ERLIN1: variants seen among roughly 807,000 people sequenced by gnomAD.
The protein encoded by ERLIN1 is ER lipid raft associated 1.
ERLIN1 carries 24 observed loss-of-function variants against 46.9 expected under a neutral mutation model. That is an observed-to-expected ratio of 0.51 (90% CI 0.37 to 0.72). ERLIN1 has a LOEUF of 0.72. ERLIN1 is among the 30% of genes least tolerant of loss of function. ERLIN1 has a pLI of 0.00. For missense variants in ERLIN1, 293 were observed against 417.9 expected (o/e 0.70, Z 2.61); for synonymous variants, 158 against 143.2 (o/e 1.10, Z -0.74).
chr10:100,162,366 T>C (rs2134122414), intron 8 of ERLIN1, among the ~76,000 whole-genome samples: 1 of 152,264 alleles, frequency 6.6e-6, no homozygotes, highest in South Asian at 2.1e-4. Flanking sequence ...AGACATAAAG[T>C]TTTAAGTCTG....
At chr10:100,172,350 G>C (rs765925174) in intron 6 of ERLIN1, among the ~76,000 whole-genome samples, 13 of 152,160 alleles carry the variant, frequency 8.5e-5, no homozygotes, top group Non-Finnish European at 1.9e-4. Context: ...AACAAATGAT[G>C]TTATCCCTGC....
chr10:100,176,116 C>T (rs751942689), intron 4 of ERLIN1, 46 bp from the exon 5 acceptor site: 13 of 1,552,600 alleles, frequency 8.4e-6, no homozygotes, highest in Non-Finnish European at 1.1e-5. Context: ...AACAATGACA[C>T]AGGTACCTTC....
At position 100,155,030 on chromosome 10, in the gene ERLIN1, T is replaced by G. The variant is rs145367146; in HGVS notation, c.746-91A>C. On this transcript the variant is annotated intron_variant, in intron 9 of 10. Coordinates refer to ENST00000421367, the MANE Select transcript of ERLIN1 (RefSeq NM_006459.4). ...CTGCTTAATATTGTGACTGCTTATT[T>G]CACATTGAAAGTTTTAAAAACCTAT... The G allele has an allele frequency of 2.4e-4, 257 of 1,087,346 alleles. 1 individual carries two copies. The African/African-American group carries it at 3.7e-3, about 16-fold the overall frequency. The allele number at this position is 1,087,346 out of a possible 1,614,324, so 67.4% of individuals were successfully genotyped here. A position where few individuals can be genotyped will look rare whatever the true frequency, so the allele number is the denominator to read the frequency against.
intron 6 of ERLIN1, among the ~76,000 whole-genome samples, chr10:100,172,508 A>C (rs1248155141): frequency 6.6e-6 from 1 of 152,260 alleles, no homozygotes; most frequent in Non-Finnish European, 1.5e-5. Flanking sequence ...CAACAGAAAA[A>C]TGGGCAAAAG....
At chr10:100,181,712 C>A (rs1344878641) in intron 2 of ERLIN1, among the ~76,000 whole-genome samples, 1 of 152,132 alleles carries the variant, frequency 6.6e-6, no homozygotes, top group Non-Finnish European at 1.5e-5. Context: ...CAGCGTTTGA[C>A]CAGGTTGGCC....
chr10:100,183,095 C>A (rs1377742998), intron 2 of ERLIN1, among the ~76,000 whole-genome samples: 2 of 152,166 alleles, frequency 1.3e-5, no homozygotes, highest in African/African-American at 4.8e-5. Flanking sequence ...AGATGGCAGA[C>A]AAACTTCTGA....
intron 8 of ERLIN1, among the ~76,000 whole-genome samples, chr10:100,163,094 C>CA (rs1462896661): frequency 6.7e-6 from 1 of 150,230 alleles, no homozygotes; most frequent in Non-Finnish European, 1.5e-5. Flanking sequence ...GATAAAATGC[C>CA]AAAAAAAGAA....
intron 8 of ERLIN1, among the ~76,000 whole-genome samples, chr10:100,160,434 CA>C (rs1231447911): frequency 6.6e-6 from 1 of 151,590 alleles, no homozygotes; most frequent in Non-Finnish European, 1.5e-5. Flanking sequence ...AACCATGATA[CA>C]AAAAAACCTA....
chr10:100,162,999 TTCATTAC>T (rs1436697824), intron 8 of ERLIN1, among the ~76,000 whole-genome samples: 23 of 152,156 alleles, frequency 1.5e-4, no homozygotes, highest in Non-Finnish European at 2.9e-4. Context: ...TCATTGGTAA[TTCATTAC>T]AATAAAACTA....
At chr10:100,169,580 T>C (rs1184309914) in intron 6 of ERLIN1, among the ~76,000 whole-genome samples, 3 of 150,912 alleles carry the variant, frequency 2.0e-5, no homozygotes, top group Non-Finnish European at 2.9e-5. Context: ...GTTGTAGATA[T>C]AAGATAAATC....
At chr10:100,181,662 G>A (rs1272116367) in intron 2 of ERLIN1, among the ~76,000 whole-genome samples, 3 of 151,876 alleles carry the variant, frequency 2.0e-5, no homozygotes, top group South Asian at 2.1e-4. Context: ...TTACAGGCAC[G>A]CACAACCACG....
chr10:100,174,506 T>G (rs530834363), intron 5 of ERLIN1, among the ~76,000 whole-genome samples: 41 of 152,322 alleles, frequency 2.7e-4, no homozygotes, highest in African/African-American at 9.9e-4. Flanking sequence ...AGTCTGTTTA[T>G]CCAATAAGTT....
At chr10:100,177,679 G>A (rs888629770) in intron 4 of ERLIN1, among the ~76,000 whole-genome samples, 3 of 152,134 alleles carry the variant, frequency 2.0e-5, no homozygotes, top group African/African-American at 7.2e-5. Context: ...CCCCATACCT[G>A]TAGGTTTTCA....
intron 2 of ERLIN1, among the ~76,000 whole-genome samples, chr10:100,181,097 G>A (rs1026840743): frequency 6.6e-6 from 1 of 152,150 alleles, no homozygotes; most frequent in African/African-American, 2.4e-5. Context: ...CATTAATTCA[G>A]TTTCCATATT....
intron 8 of ERLIN1, 72 bp from the exon 9 acceptor site, chr10:100,156,306 GCA>G (rs1843079709): frequency 2.3e-6 from 2 of 883,088 alleles, no homozygotes; most frequent in South Asian, 1.4e-5. Context: ...CGAACCAGCA[GCA>G]CACAGTCTAA....
intron 8 of ERLIN1, 25 bp from the exon 9 acceptor site, chr10:100,156,259 C>T: frequency 7.2e-6 from 11 of 1,517,776 alleles, no homozygotes; most frequent in Non-Finnish European, 1.0e-5. Flanking sequence ...CATAAGAAGA[C>T]ACATTCAAAA....
Position 100,150,393 on chromosome 10 carries a change from A to AG in ERLIN1, c.*1737dup, listed in dbSNP as rs1842742491. ...AACATCTCTAGGAATGAAAGCACAG[A>AG]GGTCAATGATCCAGATTTTCCACAA... On this transcript the variant is annotated 3_prime_UTR_variant, in exon 11 of 11. Transcript: ENST00000421367. 6.5e-6 allele frequency: 1 copy of AG among 152,692 alleles called. No individual in the cohort carries two copies. Among genetic ancestry groups the AG allele is most frequent in the Non-Finnish European group, 1.5e-5 (1 of 68,048 alleles). 9.5% of individuals were successfully genotyped at this position (152,692 alleles called of 1,614,324 possible). A position where few individuals can be genotyped will look rare whatever the true frequency, so the allele number is the denominator to read the frequency against.
chr10:100,167,334 T>C lies in ERLIN1; in HGVS notation c.563+14A>G. 2 of 1,590,644 alleles carry C rather than the reference T, an allele frequency of 1.3e-6. No individual in the cohort carries two copies. The highest frequency in any genetic ancestry group is 1.7e-6 in the Non-Finnish European group (2 of 1,158,824). On this transcript the variant is annotated intron_variant, in intron 7 of 10. Transcript: ENST00000421367. ...CCTAAACAGAAATATTGGGATCCCA[T>C]GCATATTACTCACATTAACTCAAAA...
chr10:100,170,682 T>A (rs1006616285), intron 6 of ERLIN1, among the ~76,000 whole-genome samples: 1 of 152,168 alleles, frequency 6.6e-6, no homozygotes, highest in Non-Finnish European at 1.5e-5. Flanking sequence ...CTGCAGGACA[T>A]AGGGACTGAT....
Sources: gnomAD v4.1 joint callset for allele counts (sites outside exome capture counted in the v4.1 genomes callset) on GRCh38, gnomAD v4.1.1 for gene constraint, MANE v1.5 for transcripts, NCBI Gene and HGNC (gene_info 2026-07-23, HGNC 2026-07-21) for gene names.